The following GPC5 variants were observed in gnomAD, a reference collection of about 807,000 sequenced individuals.
GPC5 encodes glypican-5.
Under a neutral mutation model 53.9 loss-of-function variants are expected in GPC5, and 47 were observed. That is an observed-to-expected ratio of 0.87 (90% CI 0.69 to 1.11). The LOEUF (loss-of-function observed/expected upper bound fraction) is 1.11. GPC5 is among the 50% of genes most tolerant of loss of function. The probability of loss-of-function intolerance (pLI) is 0.00; values close to 1 mark genes in which losing one functional copy is unlikely to be tolerated. For missense variants in GPC5, 748 were observed against 713.1 expected, an observed-to-expected ratio of 1.05 and a Z score of -0.56; for synonymous variants, 286 against 263.3, an observed-to-expected ratio of 1.09 and a Z score of -0.84.
chr13:92,330,559 C>T (rs1363695315), intron 7 of GPC5, among the ~76,000 whole-genome samples: 3 of 151,888 alleles, frequency 2.0e-5, no homozygotes, highest in Non-Finnish European at 2.9e-5. Flanking sequence ...GCATTGTTTC[C>T]CTGACCTGGC....
chr13:92,281,037 T>C (rs2139168520), intron 7 of GPC5, among the ~76,000 whole-genome samples: 4 of 152,280 alleles, frequency 2.6e-5, no homozygotes, highest in Admixed American at 2.6e-4. Context: ...GAAAATTGGG[T>C]CACTCCCACA....
intron 7 of GPC5, among the ~76,000 whole-genome samples, chr13:92,369,421 T>G (rs2139292090): frequency 6.6e-6 from 1 of 152,302 alleles, no homozygotes; most frequent in South Asian, 2.1e-4. Flanking sequence ...CAAGTGATCC[T>G]CCCACCAGGG....
chr13:92,122,526 A>G (rs1288535221), intron 6 of GPC5, among the ~76,000 whole-genome samples: 1 of 151,852 alleles, frequency 6.6e-6, no homozygotes, highest in African/African-American at 2.4e-5. Context: ...AATTCCAACC[A>G]TCATATATGC....
At chr13:91,798,247 G>A (rs1002898833) in intron 5 of GPC5, among the ~76,000 whole-genome samples, 26 of 152,126 alleles carry the variant, frequency 1.7e-4, no homozygotes, top group Admixed American at 1.4e-3. Flanking sequence ...ATAGGTAAAC[G>A]TGTGCCATGG....
intron 2 of GPC5, among the ~76,000 whole-genome samples, chr13:91,459,999 G>A (rs1024064358): frequency 1.3e-5 from 2 of 152,084 alleles, no homozygotes; most frequent in Non-Finnish European, 2.9e-5. Flanking sequence ...TGTATAATGC[G>A]ATAGCATTGT....
chr13:92,486,988 T>A (rs1329978681), intron 7 of GPC5, among the ~76,000 whole-genome samples: 1 of 152,102 alleles, frequency 6.6e-6, no homozygotes, highest in Non-Finnish European at 1.5e-5. Flanking sequence ...CTCAAGTAGC[T>A]GGGATTATAG....
At position 92,139,242 on chromosome 13, in the gene GPC5, T is replaced by C. The variant is rs568014410; in HGVS notation, c.1402-5588T>C. Among the ~76,000 whole-genome samples the C allele has an allele frequency of 1.6e-3, 250 of 152,312 alleles. 2 individuals are homozygous for C. The highest frequency in any genetic ancestry group is 5.7e-3 in the African/African-American group (239 of 41,570). ...TACACTGTCTCTCCTGTTTCCTGAT[T>C]TTCAGGTTATTTTTTATCCCAATTT... On this transcript the variant is annotated intron_variant, in intron 6 of 7. Transcript: ENST00000377067.
chr13:92,036,133 A>T (rs956888317), intron 6 of GPC5, among the ~76,000 whole-genome samples: 1 of 152,192 alleles, frequency 6.6e-6, no homozygotes, highest in Non-Finnish European at 1.5e-5. Context: ...TCTGTTGTCT[A>T]TTAGTCTTGA....
At chr13:92,586,950 A>ACACACACACACACG (rs1197534096) in intron 7 of GPC5, among the ~76,000 whole-genome samples, 3 of 108,816 alleles carry the variant, frequency 2.8e-5, no homozygotes, top group Non-Finnish European at 5.3e-5. Context: ...TCTTGCATAC[A>ACACACACACACACG]CACACACACA....
chr13:91,826,235 G>C (rs1211112922), intron 5 of GPC5, among the ~76,000 whole-genome samples: 7 of 152,118 alleles, frequency 4.6e-5, no homozygotes, highest in Middle Eastern at 6.8e-3. Flanking sequence ...CTTTAAAGCA[G>C]TCATATTAAA....
rs577907211 is a variant in GPC5, at chr13:92,319,375, AT to A, written c.1561+174395del. 5.5e-5 allele frequency among the ~76,000 whole-genome samples: 8 copies of A among 144,820 alleles called. No individual in the cohort carries two copies. The East Asian group carries it at 1.0e-3, about 18-fold the overall frequency. ...CTTTGTTACAATTTGGGGCCAATGT[AT>A]TTTTTTTTCCCCATGATAATGCATC... On this transcript the variant is annotated intron_variant, in intron 7 of 7. Transcript: ENST00000377067.
chr13:92,160,615 G>C (rs1191164222), intron 7 of GPC5, among the ~76,000 whole-genome samples: 1 of 152,110 alleles, frequency 6.6e-6, no homozygotes, highest in East Asian at 1.9e-4. Flanking sequence ...GATGAAATTT[G>C]GCATTGAGTC....
intron 7 of GPC5, among the ~76,000 whole-genome samples, chr13:92,752,636 C>T (rs1026738306): frequency 5.3e-5 from 8 of 152,064 alleles, no homozygotes; most frequent in Non-Finnish European, 1.0e-4. Context: ...GTGCGCGCAC[C>T]GTGCGCGAGC....
intron 2 of GPC5, among the ~76,000 whole-genome samples, chr13:91,531,371 G>T (rs563444186): frequency 6.9e-4 from 105 of 151,994 alleles, no homozygotes; most frequent in Admixed American, 1.2e-3. Flanking sequence ...GAACATAGGG[G>T]TTTTTTTTCC....
intron 7 of GPC5, chr13:92,340,010 T>C (rs546690039): frequency 1.3e-5 from 2 of 152,156 alleles, no homozygotes; most frequent in East Asian, 1.9e-4. Flanking sequence ...AAAACATATA[T>C]ATGAAAATGA....
At chr13:92,746,204 T>C (rs1421278184) in intron 7 of GPC5, among the ~76,000 whole-genome samples, 1 of 152,120 alleles carries the variant, frequency 6.6e-6, no homozygotes, top group African/African-American at 2.4e-5. Context: ...GCCAGTAAAG[T>C]AGCTTTATAA....
At chr13:91,986,061 C>CTTTTTTTTTTT (rs779259362) in intron 6 of GPC5, among the ~76,000 whole-genome samples, 23 of 95,434 alleles carry the variant, frequency 2.4e-4, no homozygotes, top group East Asian at 3.3e-4. Flanking sequence ...TTAGCCAATA[C>CTTTTTTTTTTT]TTTTTTTTTT....
Position 92,354,543 on chromosome 13 carries a change from A to G in GPC5, c.1561+209554A>G, listed in dbSNP as rs138514244. Among the ~76,000 whole-genome samples the G allele has an allele frequency of 2.8e-4, 43 of 152,356 alleles. 1 individual carries two copies. The highest frequency in any genetic ancestry group is 5.9e-4 in the Admixed American group (9 of 15,310). On this transcript the variant is annotated intron_variant, in intron 7 of 7. Transcript: ENST00000377067. ...ATTACAGAGAATTTACTATGTAGCT[A>G]GAAGTATTCTAGTCATTGATGCTGG...
chr13:92,602,378 T>G (rs981303973), intron 7 of GPC5, among the ~76,000 whole-genome samples: 3 of 151,418 alleles, frequency 2.0e-5, no homozygotes, highest in African/African-American at 7.3e-5. Context: ...TATGAGTTTA[T>G]TCCAACTAGC....
Sources: allele counts gnomAD v4.1 joint callset (sites outside exome capture counted in the v4.1 genomes callset), GRCh38; gene constraint gnomAD v4.1.1; transcripts MANE v1.5; gene names NCBI Gene and HGNC (gene_info 2026-07-23, HGNC 2026-07-21).